LDLRAD4: variants seen among roughly 807,000 people sequenced by gnomAD.
LDLRAD4 encodes low-density lipoprotein receptor class A domain-containing protein 4.
In LDLRAD4, 5 loss-of-function variants were observed where a neutral mutation model predicts 17.0. The ratio of observed to expected loss-of-function variants is 0.29; its 90% CI spans 0.15 to 0.62. LDLRAD4 has a LOEUF of 0.62. Ranked by LOEUF, LDLRAD4 falls within the 20% of genes least tolerant of loss-of-function variation. The pLI is 0.84. For synonymous variants in LDLRAD4, 168 were observed against 171.8 expected (o/e 0.98, Z 0.17); for missense variants, 340 against 424.7 (o/e 0.80, Z 1.75).
At chr18:13,381,105 T>C (rs892668875) in intron 1 of LDLRAD4, among the ~76,000 whole-genome samples, 2 of 124,724 alleles carry the variant, frequency 1.6e-5, no homozygotes, top group Admixed American at 9.6e-5. Context: ...AGAGACAGGG[T>C]CTTGCTATGT....
chr18:13,233,433 C>T (rs960184567), intron 1 of LDLRAD4, among the ~76,000 whole-genome samples: 4 of 152,166 alleles, frequency 2.6e-5, no homozygotes, highest in African/African-American at 7.2e-5. Flanking sequence ...CCAAGGAAGC[C>T]GGCACCCTCT....
chr18:13,381,880 A>AT (rs1599808805), intron 1 of LDLRAD4, among the ~76,000 whole-genome samples: 1 of 152,196 alleles, frequency 6.6e-6, no homozygotes, highest in Non-Finnish European at 1.5e-5. Context: ...GGTCATTTTT[A>AT]TTTTTTTTAA....
chr18:13,220,744 G>T (rs923189382), intron 1 of LDLRAD4, among the ~76,000 whole-genome samples: 1 of 152,234 alleles, frequency 6.6e-6, no homozygotes, highest in Non-Finnish European at 1.5e-5. Context: ...CAGCCTCATA[G>T]CTCCTGGGAC....
intron 2 of LDLRAD4, among the ~76,000 whole-genome samples, chr18:13,391,714 G>A (rs138157722): frequency 1.6e-4 from 24 of 152,302 alleles, no homozygotes; most frequent in African/African-American, 5.5e-4. Flanking sequence ...TCTTTGCCAT[G>A]TGACTCTTTC....
rs181579229 is a variant in LDLRAD4, at chr18:13,537,364, C to T, written c.182-83753C>T. On this transcript the variant is annotated intron_variant, in intron 3 of 5. Coordinates refer to ENST00000359446, the Ensembl canonical transcript of LDLRAD4. The stretch of plus-strand genomic sequence containing the variant: ...CATGGAAGACAAGTTTTTCCATGGA[C>T]TGAGGGTGTGCAGGAGGATAGTTTC... Among the ~76,000 whole-genome samples, 275 of 152,246 alleles carry T rather than the reference C, an allele frequency of 1.8e-3. 1 individual carries two copies. Among genetic ancestry groups the T allele is most frequent in the Admixed American group, 4.7e-3 (72 of 15,284 alleles).
chr18:13,545,617 AG>A (rs1568322708), intron 3 of LDLRAD4, among the ~76,000 whole-genome samples: 1 of 152,154 alleles, frequency 6.6e-6, no homozygotes, highest in Admixed American at 6.6e-5. Context: ...ACCTTCTTCT[AG>A]CAGCCGGCCA....
At position 13,645,731 on chromosome 18, in the gene LDLRAD4, A is replaced by G. The variant is rs116041469; in HGVS notation, c.*74A>G. On this transcript the variant is annotated 3_prime_UTR_variant, in exon 6 of 6. Coordinates refer to ENST00000359446, the Ensembl canonical transcript of LDLRAD4. This position sits in a 1 kb window ranked among gnomAD's most constrained non-coding sequence, Gnocchi z 5.7. ...CGGCCGCTGGGCCCCTCCTGCGCAC[A>G]GTGTTGTTCAGTTTCACATGGTACA... 3 of 1,169,114 alleles carry G rather than the reference A, an allele frequency of 2.6e-6. No homozygotes were observed. The highest frequency in any genetic ancestry group is 4.9e-5 in the East Asian group (2 of 40,804). 72.4% of individuals were successfully genotyped at this position (1,169,114 alleles called of 1,614,324 possible). A position where few individuals can be genotyped will look rare whatever the true frequency, so the allele number is the denominator to read the frequency against.
intron 1 of LDLRAD4, among the ~76,000 whole-genome samples, chr18:13,243,672 C>T (rs2042787897): frequency 1.3e-5 from 2 of 150,036 alleles, no homozygotes; most frequent in Admixed American, 1.3e-4. Context: ...ATCCGTCTAC[C>T]CATCCATCTA....
At chr18:13,252,175 A>C (rs901862448) in intron 1 of LDLRAD4, among the ~76,000 whole-genome samples, 2 of 152,040 alleles carry the variant, frequency 1.3e-5, no homozygotes, top group Admixed American at 6.6e-5. Flanking sequence ...CCCAGGCTGG[A>C]GTGCAATGGT....
At chr18:13,292,342 C>T (rs1180322482) in intron 1 of LDLRAD4, among the ~76,000 whole-genome samples, 2 of 152,256 alleles carry the variant, frequency 1.3e-5, no homozygotes, top group African/African-American at 4.8e-5. Flanking sequence ...GATCTGCGCT[C>T]TGTTCCTGTC....
rs34887130 is a variant in LDLRAD4, at chr18:13,577,079, A to ATT, written c.182-44029_182-44028dup. ...TTTTTGTTTTTATTTGCGGTTTAGC[A>ATT]TTTTTTTTTTAAGTATCCGAATTTG... On this transcript the variant is annotated intron_variant, in intron 3 of 5. Coordinates refer to ENST00000359446, the Ensembl canonical transcript of LDLRAD4. 4.7e-3 allele frequency among the ~76,000 whole-genome samples: 709 copies of ATT among 150,384 alleles called. 8 individuals carry two copies. The highest frequency in any genetic ancestry group is 0.045 in the Middle Eastern group (13 of 290).
chr18:13,238,745 G>A (rs61596769), intron 1 of LDLRAD4, among the ~76,000 whole-genome samples: 4,189 of 152,262 alleles, frequency 0.028, 188 homozygotes, highest in African/African-American at 0.094. Flanking sequence ...AGCCTCTCCC[G>A]GGTGGTGACT....
rs143959860 is a variant in LDLRAD4 at position 13,350,985 on chromosome 18, C to A, written c.-382-36356C>A. Reference sequence around the variant, plus strand: ...GAGGTCTCTATTCTGTTCCATTGGTCTGTATGCCTATCTCAGTACCAGTAC... The same window carrying A: ...GAGGTCTCTATTCTGTTCCATTGGTATGTATGCCTATCTCAGTACCAGTAC... On this transcript the variant is annotated intron_variant, in intron 1 of 5. Transcript: ENST00000359446. 3.5e-4 allele frequency among the ~76,000 whole-genome samples: 54 copies of A among 152,260 alleles called. No individual in the cohort carries two copies. The East Asian group carries it at 8.7e-3, about 24-fold the overall frequency.
At chr18:13,458,878 G>A (rs189378992) in intron 3 of LDLRAD4, among the ~76,000 whole-genome samples, 1 of 152,324 alleles carries the variant, frequency 6.6e-6, no homozygotes, top group African/African-American at 2.4e-5. Flanking sequence ...CAAGGAATGT[G>A]GGCAGCTTCT....
intron 3 of LDLRAD4, among the ~76,000 whole-genome samples, chr18:13,609,593 T>G (rs1404511401): frequency 2.0e-5 from 3 of 152,152 alleles, no homozygotes; most frequent in South Asian, 2.1e-4. Flanking sequence ...TAAACTTGTA[T>G]TCATAAAGTC....
At chr18:13,631,192 C>CA (rs2041634593) in intron 4 of LDLRAD4, among the ~76,000 whole-genome samples, 1 of 152,078 alleles carries the variant, frequency 6.6e-6, no homozygotes, top group Non-Finnish European at 1.5e-5. Context: ...AAAAATGATC[C>CA]AATAAATACA....
rs1447425918 is a variant in LDLRAD4, at chr18:13,387,708, T to C, written c.-15T>C. 5.0e-6 allele frequency: 8 copies of C among 1,613,632 alleles called. No individual in the cohort carries two copies. The Admixed American group carries it at 5.0e-5, about 10-fold the overall frequency. On this transcript the variant is annotated 5_prime_UTR_variant, in exon 2 of 6. Coordinates refer to ENST00000359446, the Ensembl canonical transcript of LDLRAD4. The stretch of plus-strand genomic sequence containing the variant: ...CAGCGCAAGAGTTGGAGCACAGGCT[T>C]GTCCGGGGAGCAGTATGCCGGAAGC...
intron 1 of LDLRAD4, among the ~76,000 whole-genome samples, chr18:13,381,656 C>T (rs534749323): frequency 6.6e-6 from 1 of 152,356 alleles, no homozygotes; most frequent in East Asian, 1.9e-4. Flanking sequence ...AAGGTCTGCA[C>T]TATCCATGAG....
chr18:13,570,784 T>C (rs1051196668), intron 3 of LDLRAD4, among the ~76,000 whole-genome samples: 1 of 152,190 alleles, frequency 6.6e-6, no homozygotes, highest in Non-Finnish European at 1.5e-5. Flanking sequence ...TTCGTCTTTT[T>C]CTTTTCCTTC....
Sources: allele counts gnomAD v4.1 joint callset (sites outside exome capture counted in the v4.1 genomes callset), GRCh38; gene constraint gnomAD v4.1.1; non-coding constraint Gnocchi (gnomAD v3.1); transcripts MANE v1.5; gene names NCBI Gene and HGNC (gene_info 2026-07-23, HGNC 2026-07-21).